The following TTBK1 variants were observed in gnomAD, a reference collection of about 807,000 sequenced individuals.
TTBK1 encodes the protein tau-tubulin kinase 1.
TTBK1 carries 34 observed loss-of-function variants against 108.5 expected under a neutral mutation model. The ratio of observed to expected loss-of-function variants is 0.31; its 90% CI spans 0.24 to 0.42. TTBK1 has a LOEUF of 0.42. TTBK1 is among the 10% of genes least tolerant of loss of function. The probability of loss-of-function intolerance (pLI) is 1.00; values close to 1 mark genes in which losing one functional copy is unlikely to be tolerated. For synonymous variants in TTBK1, 809 were observed against 795.1 expected, an observed-to-expected ratio of 1.02 and a Z score of -0.29; for missense variants, 1,539 against 1,826.0, an observed-to-expected ratio of 0.84 and a Z score of 2.86.
chr6:43,266,616 T>A (rs1777683138), intron 13 of TTBK1, among the ~76,000 whole-genome samples: 1 of 152,048 alleles, frequency 6.6e-6, no homozygotes, highest in Non-Finnish European at 1.5e-5. Flanking sequence ...TCTGTGAATT[T>A]TTTTTTTTTC....
intron 13 of TTBK1, chr6:43,271,304 T>A (rs1777828357): frequency 1.0e-6 from 1 of 985,368 alleles, no homozygotes; most frequent in African/African-American, 1.7e-5. Context: ...GAATGAGCGT[T>A]TGTGCATGTG....
rs1251583925 is a variant in TTBK1, at chr6:43,269,965, CCT to C, written c.1986+6617_1986+6618del. 7.7e-6 allele frequency: 11 copies of C among 1,433,628 alleles called. No homozygotes were observed. The African/African-American group carries it at 1.0e-4, about 13-fold the overall frequency. 88.8% of individuals were successfully genotyped at this position (1,433,628 alleles called of 1,614,324 possible). On this transcript the variant is annotated intron_variant, in intron 13 of 14. Coordinates refer to ENST00000259750, the MANE Select transcript of TTBK1 (RefSeq NM_032538.3). The surrounding 1 kb of genome is among the most constrained non-coding windows in gnomAD (Gnocchi z 4.8). Reference sequence around the variant, plus strand: ...CACAAGACCTAGGCTGGGCCCCCCCCCTCCTGGAGGGGGCAGGTGGGGGGGGG... The same window carrying C: ...CACAAGACCTAGGCTGGGCCCCCCCCCCTGGAGGGGGCAGGTGGGGGGGGG...
rs1009055395 is a variant in TTBK1 at position 43,243,821 on chromosome 6, T to A, written c.-55+113T>A. On this transcript the variant is annotated intron_variant, in intron 1 of 14. Coordinates refer to ENST00000259750, the MANE Select transcript of TTBK1 (RefSeq NM_032538.3). The surrounding 1 kb of genome is among the most constrained non-coding windows in gnomAD (Gnocchi z 5.5). ...CTTCTTGGGCTCCCCTCCGCGCTGC[T>A]GTCGCCGCCCGCTGGGCTGGGACGC... 1.3e-5 allele frequency: 2 copies of A among 152,536 alleles called. No homozygotes were observed. The highest frequency in any genetic ancestry group is 4.8e-5 in the African/African-American group (2 of 41,426). 9.4% of individuals were successfully genotyped at this position (152,536 alleles called of 1,614,324 possible). A position where few individuals can be genotyped will look rare whatever the true frequency, so the allele number is the denominator to read the frequency against.
intron 2 of TTBK1, among the ~76,000 whole-genome samples, chr6:43,247,539 T>C (rs1185292539): frequency 6.6e-6 from 1 of 150,798 alleles, no homozygotes; most frequent in Non-Finnish European, 1.5e-5. Context: ...TGGGCGGCAG[T>C]GTGGGGAAAC....
intron 1 of TTBK1, among the ~76,000 whole-genome samples, chr6:43,245,851 T>C (rs958651910): frequency 6.6e-6 from 1 of 152,146 alleles, no homozygotes; most frequent in Non-Finnish European, 1.5e-5. Context: ...CCTTCCATTT[T>C]CCTGTCCTCC....
chr6:43,277,922 G>T (rs1413452526), intron 13 of TTBK1, among the ~76,000 whole-genome samples: 1 of 152,226 alleles, frequency 6.6e-6, no homozygotes, highest in Non-Finnish European at 1.5e-5. Context: ...TGAGAGAGGA[G>T]GAGGAACTGC....
chr6:43,247,798 A>C (rs776768226), intron 2 of TTBK1, among the ~76,000 whole-genome samples: 15 of 152,176 alleles, frequency 9.9e-5, no homozygotes, highest in Non-Finnish European at 1.8e-4. Flanking sequence ...GTCCCCTAGA[A>C]ACCTAGAAAG....
Position 43,285,088 on chromosome 6 carries a change from G to A in TTBK1, c.3678G>A (p.Arg1226=). ...LGPGRAQAGA[R]PPAPRSPRLP... ...CAGGGCGAGCCCAAGCCGGAGCCAG[G>A]CCCCCAGCGCCGCGCAGCCCGCGCC... Residue 1226 remains arginine, a synonymous_variant, in exon 15 of 15, where the codon AGG becomes AGA. Coordinates refer to ENST00000259750, the MANE Select transcript of TTBK1 (RefSeq NM_032538.3). This position sits in a 1 kb window ranked among gnomAD's most constrained non-coding sequence, Gnocchi z 4.7. The A allele has an allele frequency of 6.7e-7, 1 of 1,483,366 alleles. No homozygotes were observed. Among genetic ancestry groups the A allele is most frequent in the Non-Finnish European group, 8.9e-7 (1 of 1,125,098 alleles). The allele number at this position is 1,483,366 out of a possible 1,614,324, so 91.9% of individuals were successfully genotyped here.
intron 2 of TTBK1, among the ~76,000 whole-genome samples, chr6:43,251,191 CT>C (rs763930769): frequency 5.3e-5 from 8 of 152,230 alleles, no homozygotes; most frequent in African/African-American, 9.6e-5. Context: ...CCAGCTCCGC[CT>C]GGTCTTCCTC....
rs886815362 is a variant in TTBK1, at chr6:43,277,174, G to A, written c.1987-5553G>A. On this transcript the variant is annotated intron_variant, in intron 13 of 14. Coordinates refer to ENST00000259750, the MANE Select transcript of TTBK1 (RefSeq NM_032538.3). ...CTCCCACTGGCCCTCTGCTACGATG[G>A]GCAATCTGAGAGATATGGGAGATGC... Among the ~76,000 whole-genome samples the A allele has an allele frequency of 7.9e-5, 12 of 152,176 alleles. 1 individual carries two copies. In the South Asian group the frequency reaches 8.3e-4, roughly 11 times the overall value.
At chr6:43,275,420 G>T (rs917175750) in intron 13 of TTBK1, among the ~76,000 whole-genome samples, 1 of 152,092 alleles carries the variant, frequency 6.6e-6, no homozygotes, top group Non-Finnish European at 1.5e-5. Context: ...CTGGCTGGCG[G>T]CCTTTGGGTC....
intron 2 of TTBK1, among the ~76,000 whole-genome samples, chr6:43,251,264 C>A (rs1242841004): frequency 6.6e-6 from 1 of 152,168 alleles, no homozygotes; most frequent in Non-Finnish European, 1.5e-5. Context: ...ACTGAACAGA[C>A]GTTCGGGGCG....
intron 13 of TTBK1, among the ~76,000 whole-genome samples, chr6:43,266,918 A>C (rs917356054): frequency 1.3e-5 from 2 of 151,870 alleles, no homozygotes; most frequent in Non-Finnish European, 2.9e-5. Context: ...GCCCAGCCTG[A>C]GGTCTGTGAG....
At chr6:43,270,364 G>T in intron 13 of TTBK1, 1 of 1,006,820 alleles carries the variant, frequency 9.9e-7, no homozygotes, top group Non-Finnish European at 1.2e-6. Flanking sequence ...GGCATGGCTG[G>T]GTCTGATCCA....
rs577690064 is a variant in TTBK1 at position 43,283,008 on chromosome 6, G to A, written c.2268G>A (p.Glu756=). Residue 756 remains glutamate (E), a synonymous_variant, in exon 14 of 15, where the codon GAG becomes GAA. Transcript: ENST00000259750. This position sits in a 1 kb window ranked among gnomAD's most constrained non-coding sequence, Gnocchi z 8.1. Reference sequence around the variant, plus strand: ...ATGAGGAAGAAGAAGAGGAGGAAGAGGAAGAGGAGGAGGAAGAAGAGGAGG... The same window carrying A: ...ATGAGGAAGAAGAAGAGGAGGAAGAAGAAGAGGAGGAGGAAGAAGAGGAGG... ...EEDEEEEEEE[E]EEEEEEEEEE... 6.3e-7 allele frequency: 1 copy of A among 1,596,488 alleles called. No homozygotes were observed. Among genetic ancestry groups the A allele is most frequent in the Non-Finnish European group, 8.5e-7 (1 of 1,169,902 alleles).
At chr6:43,251,150 G>A (rs778681120) in intron 2 of TTBK1, among the ~76,000 whole-genome samples, 2 of 152,148 alleles carry the variant, frequency 1.3e-5, no homozygotes, top group Non-Finnish European at 2.9e-5. Context: ...TCTGGAGTGA[G>A]TTCAATGGTA....
At chr6:43,281,056 G>GA (rs1213434532) in intron 13 of TTBK1, among the ~76,000 whole-genome samples, 1 of 152,114 alleles carries the variant, frequency 6.6e-6, no homozygotes, top group Non-Finnish European at 1.5e-5. Flanking sequence ...CTGGGTGGGG[G>GA]ATTCATGGGC....
chr6:43,259,317 C>T lies in TTBK1; in HGVS notation c.1248+48C>T, dbSNP rs2150691524. 2 of 1,464,852 alleles carry T rather than the reference C, an allele frequency of 1.4e-6. No individual in the cohort carries two copies. Among genetic ancestry groups the T allele is most frequent in the Non-Finnish European group, 1.8e-6 (2 of 1,085,856 alleles). The allele number at this position is 1,464,852 out of a possible 1,614,324, so 90.7% of individuals were successfully genotyped here. A position where few individuals can be genotyped will look rare whatever the true frequency, so the allele number is the denominator to read the frequency against. On this transcript the variant is annotated intron_variant, in intron 11 of 14. Coordinates refer to ENST00000259750, the MANE Select transcript of TTBK1 (RefSeq NM_032538.3). The surrounding 1 kb of genome is among the most constrained non-coding windows in gnomAD (Gnocchi z 6.7). ...GCGTGGGTGGCCTTTTCTCTCACCC[C>T]CGATTCCCAGCCTTGTGCCCCTGCC... is the stretch of plus-strand genomic sequence containing the variant.
At position 43,259,947 on chromosome 6, in the gene TTBK1, G is replaced by A. The variant is rs1166504589; in HGVS notation, c.1424+241G>A. On this transcript the variant is annotated intron_variant, in intron 12 of 14. Transcript: ENST00000259750. The surrounding 1 kb of genome is among the most constrained non-coding windows in gnomAD (Gnocchi z 6.7). ...AAACGTAATTGGGTGAGTGCAGGCTGCAGGAGGGACAGGTGGGGCGCCTGG... is the reference window on the plus strand; with the variant it reads ...AAACGTAATTGGGTGAGTGCAGGCTACAGGAGGGACAGGTGGGGCGCCTGG... 6.6e-6 allele frequency among the ~76,000 whole-genome samples: 1 copy of A among 152,216 alleles called. No individual in the cohort carries two copies. Among genetic ancestry groups the A allele is most frequent in the Admixed American group, 6.5e-5 (1 of 15,288 alleles).
Sources: allele counts gnomAD v4.1 joint callset (sites outside exome capture counted in the v4.1 genomes callset), GRCh38; gene constraint gnomAD v4.1.1; non-coding constraint Gnocchi (gnomAD v3.1); transcripts MANE v1.5; gene names NCBI Gene and HGNC (gene_info 2026-07-23, HGNC 2026-07-21).